Variants in CCDC178 observed in about 807,000 individuals in gnomAD.
CCDC178 encodes the protein coiled-coil domain containing 178.
Under a neutral mutation model 117.4 loss-of-function variants are expected in CCDC178, and 126 were observed. The observed-to-expected ratio is 1.07, with a 90% CI of 0.93 to 1.24. The LOEUF (loss-of-function observed/expected upper bound fraction) is 1.24, where lower values mean the gene tolerates loss of function less well. CCDC178 is among the 50% of genes most tolerant of loss of function. The pLI is 0.00. For missense variants in CCDC178, 1,030 were observed against 986.9 expected (o/e 1.04, Z -0.59); for synonymous variants, 283 against 313.4 (o/e 0.90, Z 1.02).
At chr18:33,089,868 A>T (rs2145064012) in intron 21 of CCDC178, among the ~76,000 whole-genome samples, 1 of 152,034 alleles carries the variant, frequency 6.6e-6, no homozygotes, top group East Asian at 1.9e-4. Flanking sequence ...ACGGAAGTAT[A>T]ATCTGTTTTT....
chr18:33,167,982 A>T (rs1232456887), intron 20 of CCDC178, among the ~76,000 whole-genome samples: 2 of 152,150 alleles, frequency 1.3e-5, no homozygotes, highest in Admixed American at 1.3e-4. Context: ...GGTTTTGGAT[A>T]TTAGACCTTT....
intron 21 of CCDC178, among the ~76,000 whole-genome samples, chr18:33,084,759 C>T (rs570434031): frequency 2.0e-5 from 3 of 150,774 alleles, no homozygotes; most frequent in South Asian, 4.2e-4. Flanking sequence ...TGCAGTGAGC[C>T]GAGATTGCGC....
intron 2 of CCDC178, among the ~76,000 whole-genome samples, chr18:33,433,168 T>C (rs562866452): frequency 6.6e-6 from 1 of 152,304 alleles, no homozygotes; most frequent in Non-Finnish European, 1.5e-5. Context: ...TCTAAAATTC[T>C]ACTGAAAATT....
intron 15 of CCDC178, among the ~76,000 whole-genome samples, chr18:33,227,322 G>C (rs1243413553): frequency 2.7e-5 from 4 of 146,844 alleles, no homozygotes; most frequent in Admixed American, 6.8e-5. Flanking sequence ...TTTCAAGTTT[G>C]TAGGGAAAAA....
At chr18:32,997,694 TTATC>T (rs1447153400) in intron 21 of CCDC178, among the ~76,000 whole-genome samples, 2 of 152,128 alleles carry the variant, frequency 1.3e-5, no homozygotes, top group African/African-American at 2.4e-5. Flanking sequence ...ATATTATATA[TTATC>T]TATCTATTCG....
At chr18:33,103,289 G>A (rs2057657148) in intron 20 of CCDC178, among the ~76,000 whole-genome samples, 1 of 151,720 alleles carries the variant, frequency 6.6e-6, no homozygotes, top group African/African-American at 2.4e-5. Context: ...CATGAGAACA[G>A]TATGGGGGAA....
Position 33,370,157 on chromosome 18 carries a change from A to G in CCDC178, c.241T>C (p.Cys81Arg), listed in dbSNP as rs770881668. Residue 81 changes from cysteine (C) to arginine (R), a missense_variant, in exon 6 of 23, where the codon TGT becomes CGT. Coordinates refer to ENST00000383096, the MANE Select transcript of CCDC178 (RefSeq NM_001105528.4). Reference protein sequence around the residue: ...VNKGIYFSYPCRRHSCAVVNI... With the variant: ...VNKGIYFSYPRRRHSCAVVNI... ...ACTACGGCACAGCTGTGACGTCGACATGGGTAGCTAAAGTAAATGCCTTTA... is the reference window on the plus strand; with the variant it reads ...ACTACGGCACAGCTGTGACGTCGACGTGGGTAGCTAAAGTAAATGCCTTTA... 2.5e-6 allele frequency: 4 copies of G among 1,604,638 alleles called. No homozygotes were observed. The highest frequency in any genetic ancestry group is 2.6e-6 in the Non-Finnish European group (3 of 1,175,926).
chr18:33,015,421 C>T (rs1043750666), intron 21 of CCDC178, among the ~76,000 whole-genome samples: 22 of 151,852 alleles, frequency 1.4e-4, no homozygotes, highest in Admixed American at 2.6e-4. Context: ...AACACTTAGC[C>T]GGGCGTGGTG....
intron 6 of CCDC178, among the ~76,000 whole-genome samples, chr18:33,359,083 G>C (rs2063093865): frequency 6.6e-6 from 1 of 151,744 alleles, no homozygotes; most frequent in Admixed American, 6.6e-5. Flanking sequence ...ACAGTTCTAA[G>C]AAGCCATTTG....
intron 21 of CCDC178, among the ~76,000 whole-genome samples, chr18:32,996,067 G>T (rs1168871166): frequency 6.6e-6 from 1 of 151,624 alleles, no homozygotes; most frequent in Non-Finnish European, 1.5e-5. Context: ...GTCAGATACG[G>T]AATGAATGAA....
intron 22 of CCDC178, among the ~76,000 whole-genome samples, chr18:32,953,909 A>G (rs748748842): frequency 1.3e-5 from 2 of 152,200 alleles, no homozygotes; most frequent in Non-Finnish European, 2.9e-5. Context: ...ATGTTAATGC[A>G]TAAGCTTCCT....
chr18:33,267,292 T>C lies in CCDC178; in HGVS notation c.1182A>G (p.Glu394=). 1 of 1,584,940 alleles carries C rather than the reference T, an allele frequency of 6.3e-7. No homozygotes were observed. Among genetic ancestry groups the C allele is most frequent in the Non-Finnish European group, 8.6e-7 (1 of 1,166,828 alleles). The part of the protein sequence containing the change: ...NELHSLSKML[E]DLRRVYDQLT... ...GTTGGTCATAAACTCTTCTCAAATC[T>C]TCCAGCTAAGAAAGAAGATATACAG... Residue 394 remains glutamate, a synonymous_variant, in exon 13 of 23, where the codon GAA becomes GAG. Transcript: ENST00000383096.
intron 20 of CCDC178, 126 bp downstream of exon 20, chr18:33,211,770 T>C (rs953443980): frequency 1.2e-5 from 8 of 691,438 alleles, no homozygotes; most frequent in Non-Finnish European, 1.8e-5. Flanking sequence ...GTTTATTATG[T>C]TAACAAATTT....
intron 20 of CCDC178, among the ~76,000 whole-genome samples, chr18:33,095,777 T>TAA (rs1179811656): frequency 6.6e-6 from 1 of 151,920 alleles, no homozygotes; most frequent in Non-Finnish European, 1.5e-5. Context: ...GGTGTATATA[T>TAA]ATATATACAC....
At chr18:33,293,003 T>C (rs2062055439) in intron 12 of CCDC178, among the ~76,000 whole-genome samples, 156 bp downstream of exon 12, 1 of 152,120 alleles carries the variant, frequency 6.6e-6, no homozygotes. Flanking sequence ...GCTAAATTTG[T>C]GGTAATTTGT....
chr18:33,298,891 C>CA (rs34175953), intron 11 of CCDC178, among the ~76,000 whole-genome samples: 6,200 of 151,352 alleles, frequency 0.041, 407 homozygotes, highest in African/African-American at 0.14. Context: ...AAAATAGCTA[C>CA]AAAAAAAACT....
At chr18:33,320,323 T>C (rs928739337) in intron 11 of CCDC178, among the ~76,000 whole-genome samples, 6 of 152,198 alleles carry the variant, frequency 3.9e-5, no homozygotes, top group African/African-American at 1.4e-4. Context: ...GCAGACGACA[T>C]GATTGTATAT....
intron 20 of CCDC178, among the ~76,000 whole-genome samples, chr18:33,101,195 CTTG>C (rs1214756676): frequency 6.6e-6 from 1 of 151,034 alleles, no homozygotes; most frequent in Admixed American, 6.6e-5. Context: ...ATGTTATGCC[CTTG>C]TTAACTATTC....
chr18:33,196,632 G>A (rs984786790), intron 20 of CCDC178, among the ~76,000 whole-genome samples: 4 of 152,052 alleles, frequency 2.6e-5, no homozygotes, highest in Non-Finnish European at 5.9e-5. Context: ...TGGATGTTAT[G>A]GGTACAGGGC....
Sources: gnomAD v4.1 joint callset for allele counts (sites outside exome capture counted in the v4.1 genomes callset) on GRCh38, gnomAD v4.1.1 for gene constraint, MANE v1.5 for transcripts, NCBI Gene and HGNC (gene_info 2026-07-23, HGNC 2026-07-21) for gene names.